The following CYP4X1 variants were observed in gnomAD, a reference collection of about 807,000 sequenced individuals.
CYP4X1 encodes the protein cytochrome P450 family 4 subfamily X member 1.
Under a neutral mutation model 57.9 loss-of-function variants are expected in CYP4X1, and 44 were observed. The ratio of observed to expected loss-of-function variants is 0.76; its 90% CI spans 0.60 to 0.98. The LOEUF (loss-of-function observed/expected upper bound fraction) is 0.98. Among genes scored for constraint, CYP4X1 ranks in the 50% least tolerant of loss-of-function variants. The pLI is 0.00. For missense variants in CYP4X1, 532 were observed against 623.9 expected (o/e 0.85, Z 1.57); for synonymous variants, 227 against 228.6 (o/e 0.99, Z 0.06).
At chr1:46,972,536 A>G in the CYP4X1 span, among the ~76,000 whole-genome samples, 92,376 of 152,026 alleles carry the variant, frequency 0.61, 29,489 homozygotes, top group Non-Finnish European at 0.72. Flanking sequence ...CAGTATGACC[A>G]TTTTAACGAT....
rs745594509 is a variant in CYP4X1, at chr1:47,038,805, G to A, written c.882+39G>A. ...ATTTCTAAGCCTGCTCAAGTGACCA[G>A]TTAATTATGTAAGTAGGTGGGTAAG... On this transcript the variant is annotated intron_variant, in intron 7 of 11. Coordinates refer to ENST00000371901, the MANE Select transcript of CYP4X1 (RefSeq NM_178033.2). The A allele has an allele frequency of 9.0e-6, 14 of 1,551,652 alleles. No homozygotes were observed. In the African/African-American group the frequency reaches 1.8e-4, roughly 20 times the overall value.
the CYP4X1 span, among the ~76,000 whole-genome samples, chr1:46,961,975 G>C: frequency 1.3e-5 from 2 of 152,126 alleles, no homozygotes; most frequent in Middle Eastern, 3.2e-3. Context: ...TCTCTTGCCA[G>C]GTTGTCTTCT....
chr1:47,010,000 C>T, the CYP4X1 span, among the ~76,000 whole-genome samples: 3 of 152,174 alleles, frequency 2.0e-5, no homozygotes, highest in Non-Finnish European at 4.4e-5. Flanking sequence ...GAGCTGGTAC[C>T]ATTCCTTCTG....
At chr1:47,007,077 T>C in the CYP4X1 span, among the ~76,000 whole-genome samples, 3 of 152,020 alleles carry the variant, frequency 2.0e-5, no homozygotes, top group African/African-American at 7.3e-5. Flanking sequence ...TTGAAGAGAG[T>C]AGTAGTTCTC....
intron 8 of CYP4X1, among the ~76,000 whole-genome samples, chr1:47,042,796 T>G (rs2148513822): frequency 6.6e-6 from 1 of 152,312 alleles, no homozygotes; most frequent in East Asian, 1.9e-4. Context: ...TTTTGTTCCT[T>G]TTCATGGCTG....
the CYP4X1 span, among the ~76,000 whole-genome samples, chr1:46,997,322 A>T: frequency 9.9e-5 from 15 of 152,168 alleles, no homozygotes; most frequent in Admixed American, 9.8e-4. Flanking sequence ...CCTATCACCA[A>T]GATAGTGAAC....
chr1:46,976,155 T>C, the CYP4X1 span, among the ~76,000 whole-genome samples: 1 of 152,118 alleles, frequency 6.6e-6, no homozygotes, highest in Non-Finnish European at 1.5e-5. Flanking sequence ...TCACCTCACC[T>C]GGGAAGTGCA....
intron 3 of CYP4X1, among the ~76,000 whole-genome samples, chr1:47,032,172 G>A (rs1001254402): frequency 3.3e-5 from 5 of 151,922 alleles, no homozygotes; most frequent in Non-Finnish European, 5.9e-5. Context: ...TTCCACATGC[G>A]AGTCAGTAAA....
rs1414281055 is a variant in CYP4X1 at position 47,023,814 on chromosome 1, A to G, written c.-4A>G. On this transcript the variant is annotated 5_prime_UTR_variant, in exon 1 of 12. Coordinates refer to ENST00000371901, the MANE Select transcript of CYP4X1 (RefSeq NM_178033.2). ...ACCGCCGGCGTTCGGCGCTGCGCAG[A>G]GCCATGGAATTCTCCTGGCTGGAGA... is the stretch of plus-strand genomic sequence containing the variant. 26 of 1,612,208 alleles carry G rather than the reference A, an allele frequency of 1.6e-5. No individual in the cohort carries two copies. The highest frequency in any genetic ancestry group is 1.9e-5 in the Non-Finnish European group (22 of 1,179,696).
chr1:47,040,264 T>C (rs72892624), intron 8 of CYP4X1, among the ~76,000 whole-genome samples: 2,675 of 152,244 alleles, frequency 0.018, 81 homozygotes, highest in African/African-American at 0.062. Context: ...ACATTTACGC[T>C]GACTGCAGGA....
In CYP4X1 at chr1:47,048,548, T is replaced by G; in HGVS notation, c.1208-17T>G. The G allele has an allele frequency of 6.2e-7, 1 of 1,614,050 alleles. No homozygotes were observed. Among genetic ancestry groups the G allele is most frequent in the Non-Finnish European group, 8.5e-7 (1 of 1,179,902 alleles). Reference sequence around the variant, plus strand: ...GCTCTTTCTCCTGCAGTCTCTTTTATTTCCCTCCTTTCTTAGGGATCACCG... The same window carrying G: ...GCTCTTTCTCCTGCAGTCTCTTTTAGTTCCCTCCTTTCTTAGGGATCACCG... On this transcript the variant is annotated splice_polypyrimidine_tract_variant and intron_variant, in intron 9 of 11. Transcript: ENST00000371901.
chr1:46,973,998 T>C, the CYP4X1 span, among the ~76,000 whole-genome samples: 32 of 152,142 alleles, frequency 2.1e-4, no homozygotes, highest in African/African-American at 6.8e-4. Context: ...CAAGTTTCTC[T>C]AGGTGTTATG....
At chr1:46,972,964 T>C in the CYP4X1 span, among the ~76,000 whole-genome samples, 1 of 152,030 alleles carries the variant, frequency 6.6e-6, no homozygotes, top group Non-Finnish European at 1.5e-5. Flanking sequence ...ATTTCCAGTA[T>C]TATGTTGAAT....
At chr1:47,019,127 C>T (rs555126007), upstream of CYP4X1, among the ~76,000 whole-genome samples, 58 of 152,306 alleles carry the variant, frequency 3.8e-4, no homozygotes, top group Middle Eastern at 3.4e-3. Flanking sequence ...TGTAAGTGTG[C>T]ACTCATCTAA....
At chr1:47,035,211 G>A (rs1644167055) in intron 4 of CYP4X1, among the ~76,000 whole-genome samples, 1 of 151,986 alleles carries the variant, frequency 6.6e-6, no homozygotes, top group South Asian at 2.1e-4. Flanking sequence ...CCTTGTGACA[G>A]TTTAAAAATG....
At chr1:46,991,647 G>A in the CYP4X1 span, among the ~76,000 whole-genome samples, 3 of 152,212 alleles carry the variant, frequency 2.0e-5, no homozygotes, top group Non-Finnish European at 4.4e-5. Context: ...TTAAGGCAGA[G>A]GACACAGATG....
At chr1:46,983,449 C>T in the CYP4X1 span, among the ~76,000 whole-genome samples, 1 of 152,218 alleles carries the variant, frequency 6.6e-6, no homozygotes, top group South Asian at 2.1e-4. Context: ...AGCCAGAGGA[C>T]AGCAAGGGCA....
chr1:47,048,472 C>G, intron 9 of CYP4X1, 93 bp from the exon 10 acceptor site: 3 of 1,346,668 alleles, frequency 2.2e-6, no homozygotes, highest in Non-Finnish European at 2.1e-6. Context: ...GGAGCTAGCT[C>G]TTCCCTTCAA....
upstream of CYP4X1, chr1:47,023,565 G>C: frequency 7.8e-7 from 1 of 1,276,638 alleles, no homozygotes; most frequent in Non-Finnish European, 9.9e-7. Flanking sequence ...CGCTCCAGGA[G>C]CGCAAAAGCA....
Sources: allele counts gnomAD v4.1 joint callset (sites outside exome capture counted in the v4.1 genomes callset), GRCh38; gene constraint gnomAD v4.1.1; transcripts MANE v1.5; gene names NCBI Gene and HGNC (gene_info 2026-07-23, HGNC 2026-07-21).